TRPM4: variants seen among roughly 807,000 people sequenced by gnomAD.
The protein encoded by TRPM4 is transient receptor potential cation channel subfamily M member 4, also known as calcium-activated non-selective cation channel 1.
Under a neutral mutation model 135.6 loss-of-function variants are expected in TRPM4, and 124 were observed. That is an observed-to-expected ratio of 0.91 (90% CI 0.79 to 1.06). The LOEUF (loss-of-function observed/expected upper bound fraction) is 1.06, where lower values mean the gene tolerates loss of function less well. TRPM4 is among the 50% of genes least tolerant of loss of function. The pLI, the probability that TRPM4 is intolerant of heterozygous loss-of-function variation, is 0.00. For missense variants in TRPM4, 1,658 were observed against 1,671.4 expected (o/e 0.99, Z 0.14); for synonymous variants, 745 against 705.6 (o/e 1.06, Z -0.88).
intron 15 of TRPM4, 117 bp downstream of exon 15, chr19:49,190,437 T>A: frequency 3.1e-6 from 3 of 962,188 alleles, no homozygotes; most frequent in Non-Finnish European, 3.3e-6. Context: ...TCCCTAGGAA[T>A]GGGACTCTCT....
At chr19:49,174,577 A>G (rs1045505462) in intron 9 of TRPM4, among the ~76,000 whole-genome samples, 4 of 151,968 alleles carry the variant, frequency 2.6e-5, no homozygotes, top group African/African-American at 7.2e-5. Context: ...CCTGGGCAGC[A>G]TGGTGAAATG....
chr19:49,167,896 C>T lies in TRPM4; in HGVS notation c.268-21C>T, dbSNP rs560816781. ...GGTCTCTGTCCCCCTCCCTGTGTGC[C>T]CCGCTCCCATGTGTCCACAGTTCCT... On this transcript the variant is annotated intron_variant, in intron 3 of 24. Coordinates refer to ENST00000252826, the MANE Select transcript of TRPM4 (RefSeq NM_017636.4). 6.2e-6 allele frequency: 10 copies of T among 1,612,634 alleles called. 1 individual carries two copies. In the East Asian group the frequency reaches 2.0e-4, roughly 32 times the overall value.
chr19:49,197,312 CTT>C lies in TRPM4; in HGVS notation c.2645+440_2645+441del, dbSNP rs1421595518. Among the ~76,000 whole-genome samples, 227 of 48,258 alleles carry C rather than the reference CTT, an allele frequency of 4.7e-3. 2 individuals are homozygous for C. Among genetic ancestry groups the C allele is most frequent in the African/African-American group, 0.013 (126 of 9,810 alleles). 31.7% of individuals were successfully genotyped at this position (48,258 alleles called of 152,430 possible). A position where few individuals can be genotyped will look rare whatever the true frequency, so the allele number is the denominator to read the frequency against. ...TCTTTCTTTCTCTTTCTTTCTTTTTCTTTCTTTCTTTCTTTCTTTCTTTCTTT... is the reference window on the plus strand; with the variant it reads ...TCTTTCTTTCTCTTTCTTTCTTTTTCTCTTTCTTTCTTTCTTTCTTTCTTT... On this transcript the variant is annotated intron_variant, in intron 17 of 24. Coordinates refer to ENST00000252826, the MANE Select transcript of TRPM4 (RefSeq NM_017636.4).
intron 14 of TRPM4, 36 bp from the exon 15 acceptor site, chr19:49,190,172 G>A: frequency 6.3e-7 from 1 of 1,579,674 alleles, no homozygotes; most frequent in Non-Finnish European, 8.7e-7. Context: ...GGGCTGTGGG[G>A]GAGATTTGGA....
chr19:49,201,786 G>C (rs1210334850), intron 19 of TRPM4, among the ~76,000 whole-genome samples, 178 bp from the exon 20 acceptor site: 1 of 152,156 alleles, frequency 6.6e-6, no homozygotes, highest in Non-Finnish European at 1.5e-5. Flanking sequence ...TTTTAGTAGA[G>C]ATGGGGTTTC....
intron 9 of TRPM4, among the ~76,000 whole-genome samples, chr19:49,180,191 TG>T (rs1253282967): frequency 6.6e-6 from 1 of 152,182 alleles, no homozygotes; most frequent in Admixed American, 6.6e-5. Context: ...CCTAACTCCA[TG>T]TCACGACAAA....
intron 2 of TRPM4, among the ~76,000 whole-genome samples, chr19:49,165,214 A>G (rs188272197): frequency 2.2e-4 from 33 of 152,286 alleles, no homozygotes; most frequent in Admixed American, 2.0e-3. Flanking sequence ...GGAAGAAACA[A>G]GCCACACAGA....
Position 49,172,114 on chromosome 19 carries a change from A to G in TRPM4, c.1150+6A>G, listed in dbSNP as rs762562114. 42 of 1,606,276 alleles carry G rather than the reference A, an allele frequency of 2.6e-5. No homozygotes were observed. In the East Asian group the frequency reaches 8.9e-4, roughly 34 times the overall value. On this transcript the variant is annotated splice_donor_region_variant and intron_variant, in intron 9 of 24. Transcript: ENST00000252826. ...TTTGAAGGCCCTTGTGAAGGGTAAA[A>G]GTTGTACCCTCCAGTCTTCCCCCTC...
At chr19:49,170,673 A>G (rs1967419387) in intron 6 of TRPM4, among the ~76,000 whole-genome samples, 1 of 152,170 alleles carries the variant, frequency 6.6e-6, no homozygotes, top group African/African-American at 2.4e-5. Context: ...GACTCATACA[A>G]GAAACACCTG....
chr19:49,202,214 G>T, intron 20 of TRPM4, 73 bp downstream of exon 20: 8 of 1,531,898 alleles, frequency 5.2e-6, no homozygotes, highest in Non-Finnish European at 6.3e-6. Flanking sequence ...CTTGAACCCC[G>T]TCTAATGAAT....
In TRPM4 at chr19:49,185,743, T is replaced by C. The variant is rs544173371; in HGVS notation, c.1743+2531T>C. On this transcript the variant is annotated intron_variant, in intron 12 of 24. Coordinates refer to ENST00000252826, the MANE Select transcript of TRPM4 (RefSeq NM_017636.4). ...TGTTTGTTTAGTGACTTTTCTTTTT[T>C]CTTTTTCTTTTTTTTGGGGGGAGGG... is the stretch of plus-strand genomic sequence containing the variant. Among the ~76,000 whole-genome samples the C allele has an allele frequency of 5.9e-5, 9 of 152,090 alleles. No individual in the cohort carries two copies. In the East Asian group the frequency reaches 1.7e-3, roughly 29 times the overall value.
Position 49,171,725 on chromosome 19 carries a change from A to G in TRPM4, c.1006A>G (p.Arg336Gly), listed in dbSNP as rs748424780. 87 of 1,612,976 alleles carry G rather than the reference A, an allele frequency of 5.4e-5. No homozygotes were observed. Among genetic ancestry groups the G allele is most frequent in the Non-Finnish European group, 7.4e-5 (87 of 1,179,966 alleles). Residue 336 changes from arginine (R) to glycine (G), a missense_variant, in exon 8 of 25, where the codon AGG becomes GGG. Physicochemically the swap from Arg to Gly is moderately radical, Grantham distance 125 (BLOSUM62 -2). Transcript: ENST00000252826. The surrounding 1 kb of genome is among the most constrained non-coding windows in gnomAD (Gnocchi z 4.7). ...ARQGEARDRI[R>G]RFFPKGDLEV... ...GCAAGGCGAAGCCCGAGATCGAATC[A>G]GGCGTTTCTTTCCCAAAGGGGACCT...
intron 20 of TRPM4, among the ~76,000 whole-genome samples, chr19:49,205,431 C>A (rs1036053969): frequency 5.3e-5 from 8 of 151,102 alleles, no homozygotes; most frequent in African/African-American, 1.9e-4. Flanking sequence ...AACTTGATCA[C>A]ATGTGTAAAC....
chr19:49,202,078 T>C lies in TRPM4; in HGVS notation c.3068T>C (p.Leu1023Pro). Residue 1023 changes from leucine to proline, a missense_variant, in exon 20 of 25, where the codon CTC becomes CCC. By Grantham distance (98) the Leu-to-Pro change is moderately conservative. Around this residue, in one of 3 missense-constraint regions of TRPM4, gnomAD observed 1,412 missense variants for 1,408.7 expected, o/e 1.00. Transcript: ENST00000252826. ...SQYANWLVVLLLVIFLLVANI... is the reference protein window; with the variant it reads ...SQYANWLVVLPLVIFLLVANI... ...TATGCCAACTGGCTGGTGGTGCTGC[T>C]CCTCGTCATCTTCCTGCTCGTGGCC... The C allele has an allele frequency of 1.2e-6, 2 of 1,614,108 alleles. No homozygotes were observed. Among genetic ancestry groups the C allele is most frequent in the Non-Finnish European group, 1.7e-6 (2 of 1,180,040 alleles).
Position 49,210,317 on chromosome 19 carries a change from C to G in TRPM4, c.3240C>G (p.Ile1080Met), listed in dbSNP as rs775379051. Residue 1080 changes from isoleucine (I) to methionine (M), a missense_variant, in exon 21 of 25, where the codon ATC (isoleucine) becomes ATG (methionine). Around this residue, in one of 3 missense-constraint regions of TRPM4, gnomAD observed 1,412 missense variants for 1,408.7 expected, o/e 1.00. Transcript: ENST00000252826. The surrounding 1 kb of genome is among the most constrained non-coding windows in gnomAD (Gnocchi z 4.1). ...HSRPALAPPF[I>M]VISHLRLLLR... ...GGCCCGCGCTGGCCCCGCCCTTTAT[C>G]GTCATCTCCCACTTGCGCCTCCTGC... The G allele has an allele frequency of 4.3e-6, 7 of 1,614,220 alleles. No homozygotes were observed. The South Asian group carries it at 7.7e-5, about 18-fold the overall frequency.
At chr19:49,201,725 G>A (rs1050004611) in intron 19 of TRPM4, among the ~76,000 whole-genome samples, 4 of 152,102 alleles carry the variant, frequency 2.6e-5, no homozygotes, top group Non-Finnish European at 5.9e-5. Context: ...AGCCTCCCGA[G>A]TAGCTGGGAC....
intron 12 of TRPM4, among the ~76,000 whole-genome samples, chr19:49,187,857 GT>G (rs1214725223): frequency 1.3e-5 from 2 of 152,182 alleles, no homozygotes; most frequent in Non-Finnish European, 2.9e-5. Context: ...TGGAAGTGAG[GT>G]TTTTCTTGCT....
chr19:49,158,131 T>A (rs777661219), intron 1 of TRPM4, 61 bp from the exon 2 acceptor site: 15 of 1,532,878 alleles, frequency 9.8e-6, no homozygotes, highest in Middle Eastern at 1.7e-4. Context: ...CTGTGTCCCA[T>A]AGGACAGAAC....
Position 49,171,922 on chromosome 19 carries a change from G to A in TRPM4, c.1051-87G>A. 3.6e-6 allele frequency: 5 copies of A among 1,390,666 alleles called. No individual in the cohort carries two copies. Among genetic ancestry groups the A allele is most frequent in the Non-Finnish European group, 4.1e-6 (4 of 978,672 alleles). 86.1% of individuals were successfully genotyped at this position (1,390,666 alleles called of 1,614,324 possible). ...ATATAGACTATTAGGTCCTGGAGGGGAATGGCCTCCTCCATCCCTTTGGAC... is the reference window on the plus strand; with the variant it reads ...ATATAGACTATTAGGTCCTGGAGGGAAATGGCCTCCTCCATCCCTTTGGAC... On this transcript the variant is annotated intron_variant, in intron 8 of 24. Coordinates refer to ENST00000252826, the MANE Select transcript of TRPM4 (RefSeq NM_017636.4). This position sits in a 1 kb window ranked among gnomAD's most constrained non-coding sequence, Gnocchi z 4.7.
Sources: allele counts gnomAD v4.1 joint callset (sites outside exome capture counted in the v4.1 genomes callset), GRCh38; gene constraint gnomAD v4.1.1; regional missense constraint gnomAD v4.1.1; non-coding constraint Gnocchi (gnomAD v3.1); transcripts MANE v1.5; gene names NCBI Gene and HGNC (gene_info 2026-07-23, HGNC 2026-07-21).